The following CUX1 variants were observed in gnomAD, a reference collection of about 807,000 sequenced individuals.
CUX1 encodes the protein cut like homeobox 1.
A neutral mutation model predicts 158.8 loss-of-function variants in CUX1; 31 were observed. That is an observed-to-expected ratio of 0.20 (90% confidence interval 0.15 to 0.26). CUX1 has a LOEUF of 0.26. Among genes scored for constraint, CUX1 ranks in the 10% least tolerant of loss-of-function variants. The probability of loss-of-function intolerance (pLI) is 1.00; values close to 1 mark genes in which losing one functional copy is unlikely to be tolerated. For synonymous variants in CUX1, 879 were observed against 862.1 expected, an observed-to-expected ratio of 1.02 and a Z score of -0.34; for missense variants, 1,589 against 2,014.6, an observed-to-expected ratio of 0.79 and a Z score of 4.04.
intron 2 of CUX1, among the ~76,000 whole-genome samples, chr7:101,929,102 G>A (rs1805994260): frequency 2.0e-5 from 3 of 152,162 alleles, no homozygotes; most frequent in South Asian, 4.2e-4. Flanking sequence ...CTTGAACCCA[G>A]GAGATGGGGG....
chr7:101,924,124 C>T (rs1360629731), intron 2 of CUX1, among the ~76,000 whole-genome samples: 1 of 151,902 alleles, frequency 6.6e-6, no homozygotes, highest in African/African-American at 2.4e-5. Flanking sequence ...CGGGGTAAGC[C>T]AGGAAGCCAC....
Position 102,254,294 on chromosome 7 carries a change from C to T in CUX1, c.*5252C>T. 1 of 985,508 alleles carries T rather than the reference C, an allele frequency of 1.0e-6. No individual in the cohort carries two copies. The highest frequency in any genetic ancestry group is 1.2e-6 in the Non-Finnish European group (1 of 830,004). 61.0% of individuals were successfully genotyped at this position (985,508 alleles called of 1,614,324 possible). On this transcript the variant is annotated 3_prime_UTR_variant, in exon 24 of 24. Coordinates refer to ENST00000292535, the MANE Select transcript of CUX1 (RefSeq NM_181552.4). ...TGGCCATTATCCTTGTCCCGGACTG[C>T]CCCAAAGTTCCCAGCTGGCTTTGGG...
intron 2 of CUX1, among the ~76,000 whole-genome samples, chr7:101,922,478 C>T (rs1805068753): frequency 6.6e-6 from 1 of 152,220 alleles, no homozygotes; most frequent in Admixed American, 6.5e-5. Context: ...AGGACCTACG[C>T]ACCTGGGAAA....
intron 5 of CUX1, among the ~76,000 whole-genome samples, chr7:102,101,470 C>T (rs1369250762): frequency 6.6e-6 from 1 of 152,206 alleles, no homozygotes; most frequent in East Asian, 1.9e-4. Context: ...TCCGTGAGCA[C>T]TCACCCGGGT....
rs370538538 is a variant in CUX1 at position 102,083,949 on chromosome 7, G to A, written c.269-13415G>A. On this transcript the variant is annotated intron_variant, in intron 4 of 23. Transcript: ENST00000292535. ...CACCAAGGCTGGAGTAAAGTGACGC[G>A]ATCTCAGCTCAGTGCAACCACCGCC... is the stretch of plus-strand genomic sequence containing the variant. Among the ~76,000 whole-genome samples the A allele has an allele frequency of 6.2e-5, 9 of 145,790 alleles. No homozygotes were observed. The South Asian group carries it at 1.1e-3, about 18-fold the overall frequency.
intron 3 of CUX1, among the ~76,000 whole-genome samples, chr7:102,068,786 A>G (rs1825821116): frequency 6.6e-6 from 1 of 152,178 alleles, no homozygotes; most frequent in African/African-American, 2.4e-5. Context: ...CCAGTATGAC[A>G]TTGGTACATG....
At chr7:102,168,580 G>T (rs1170612578) in intron 9 of CUX1, among the ~76,000 whole-genome samples, 2 of 147,818 alleles carry the variant, frequency 1.4e-5, no homozygotes, top group African/African-American at 5.1e-5. Flanking sequence ...GGAGGTGGAG[G>T]CTGCAGTGAG....
upstream of CUX1, chr7:101,816,823 G>C (rs1791863138): frequency 4.7e-6 from 3 of 635,952 alleles, no homozygotes; most frequent in Non-Finnish European, 5.8e-6. Context: ...AGGCGCCCGC[G>C]CTCGCTACCC....
rs782182646 is a variant in CUX1 at position 102,227,607 on chromosome 7, C to T, written c.3371C>T (p.Pro1124Leu). 6.2e-6 allele frequency: 10 copies of T among 1,613,900 alleles called. No individual in the cohort carries two copies. The highest frequency in any genetic ancestry group is 4.4e-5 in the South Asian group (4 of 91,078). Residue 1124 changes from proline (P) to leucine (L), a missense_variant, in exon 21 of 24, where the codon CCG (proline) becomes CTG (leucine). Physicochemically the swap from Pro to Leu is moderately conservative, Grantham distance 98 (BLOSUM62 -3). Around this residue, in one of 8 missense-constraint regions of CUX1, gnomAD observed 259 missense variants for 373.8 expected, o/e 0.69. Transcript: ENST00000292535. ...ATCCAAGAATTAGTAGCCATGTCCC[C>T]GGAGCTGGACACCTACGGCATAACC... is the stretch of plus-strand genomic sequence containing the variant. ...LSIQELVAMS[P>L]ELDTYGITKR...
At chr7:102,216,525 C>CAG (rs1797070629) in intron 20 of CUX1, among the ~76,000 whole-genome samples, 1 of 72,024 alleles carries the variant, frequency 1.4e-5, no homozygotes, top group Admixed American at 1.5e-4. Flanking sequence ...CACACACACA[C>CAG]TCTCCCCCCC....
intron 8 of CUX1, among the ~76,000 whole-genome samples, chr7:102,118,369 C>T (rs1831654994): frequency 6.6e-6 from 1 of 152,096 alleles, no homozygotes; most frequent in East Asian, 1.9e-4. Context: ...AAAAGCCTGT[C>T]TCTACAAAAA....
chr7:102,159,552 G>A (rs1790184155), intron 9 of CUX1, among the ~76,000 whole-genome samples: 2 of 152,220 alleles, frequency 1.3e-5, no homozygotes, highest in Non-Finnish European at 2.9e-5. Context: ...TGGTGCTGCT[G>A]TTGCTCTGAA....
chr7:102,005,269 G>A (rs1227168410), intron 2 of CUX1, among the ~76,000 whole-genome samples: 2 of 152,246 alleles, frequency 1.3e-5, no homozygotes, highest in Non-Finnish European at 2.9e-5. Flanking sequence ...GCTCACGCCT[G>A]TAATCCCTGA....
At chr7:102,111,585 T>C (rs201493) in intron 6 of CUX1, 113 bp from the exon 7 acceptor site, 524,544 of 919,382 alleles carry the variant, frequency 0.57, 157,762 homozygotes, top group African/African-American at 0.8. Flanking sequence ...TACCCCGTGG[T>C]GCGCCTGCCG....
chr7:102,086,246 C>CTT (rs201405420), intron 4 of CUX1, among the ~76,000 whole-genome samples: 6 of 138,270 alleles, frequency 4.3e-5, no homozygotes, highest in African/African-American at 1.3e-4. Context: ...TGATTTTTCT[C>CTT]TTTTTTTTTT....
At chr7:102,239,964 C>G (rs925431475) in intron 23 of CUX1, among the ~76,000 whole-genome samples, 1 of 152,092 alleles carries the variant, frequency 6.6e-6, no homozygotes, top group Non-Finnish European at 1.5e-5. Context: ...TCAGGCTTGT[C>G]TCAAACATCC....
At chr7:101,947,482 C>T (rs759534081) in intron 2 of CUX1, among the ~76,000 whole-genome samples, 2 of 152,324 alleles carry the variant, frequency 1.3e-5, no homozygotes, top group Admixed American at 6.5e-5. Flanking sequence ...AAGTTAATCC[C>T]GCACACACCT....
At chr7:102,075,814 A>G (rs114689488) in intron 4 of CUX1, among the ~76,000 whole-genome samples, 5,405 of 152,330 alleles carry the variant, frequency 0.035, 316 homozygotes, top group African/African-American at 0.12. Flanking sequence ...AAAGATTTAC[A>G]TGCCTGCATG....
chr7:102,014,236 A>G (rs1818346045), intron 2 of CUX1, among the ~76,000 whole-genome samples: 1 of 152,134 alleles, frequency 6.6e-6, no homozygotes, highest in African/African-American at 2.4e-5. Context: ...TAGAAGCTAC[A>G]TTCATAGTAT....
Sources: allele counts gnomAD v4.1 joint callset (sites outside exome capture counted in the v4.1 genomes callset), GRCh38; gene constraint gnomAD v4.1.1; regional missense constraint gnomAD v4.1.1; transcripts MANE v1.5; gene names NCBI Gene and HGNC (gene_info 2026-07-23, HGNC 2026-07-21).